ADGRG5: variants seen among roughly 807,000 people sequenced by gnomAD.
The protein encoded by ADGRG5 is G protein-coupled receptor 114.
Under a neutral mutation model 53.2 loss-of-function variants are expected in ADGRG5, and 37 were observed. The ratio of observed to expected loss-of-function variants is 0.70; its 90% CI spans 0.53 to 0.91. ADGRG5 has a LOEUF of 0.91. Among genes scored for constraint, ADGRG5 ranks in the 40% least tolerant of loss-of-function variants. ADGRG5 has a pLI of 0.00. For synonymous variants in ADGRG5, 277 were observed against 290.4 expected, an observed-to-expected ratio of 0.95 and a Z score of 0.47; for missense variants, 614 against 675.8, an observed-to-expected ratio of 0.91 and a Z score of 1.01.
At chr16:57,534,760 C>T in the ADGRG5 span, among the ~76,000 whole-genome samples, 4 of 152,150 alleles carry the variant, frequency 2.6e-5, no homozygotes, top group Admixed American at 6.5e-5. Context: ...AGGAGTCAGT[C>T]GGTGGCCAGG....
intron 1 of ADGRG5, among the ~76,000 whole-genome samples, chr16:57,543,742 G>A (rs554124667): frequency 6.2e-4 from 95 of 152,254 alleles, no homozygotes; most frequent in African/African-American, 2.0e-3. Context: ...GGCTTCGGGG[G>A]TGCATGGTCA....
the ADGRG5 span, among the ~76,000 whole-genome samples, chr16:57,536,882 G>C: frequency 1.3e-5 from 2 of 152,144 alleles, no homozygotes; most frequent in African/African-American, 4.8e-5. Flanking sequence ...TACGTACTAG[G>C]CGCCCCCAGC....
the ADGRG5 span, chr16:57,529,273 C>G: frequency 9.0e-7 from 1 of 1,116,804 alleles, no homozygotes. The surrounding 1 kb of genome is among the most constrained non-coding windows in gnomAD (Gnocchi z 4.1). Flanking sequence ...TGCATGATGA[C>G]GCCGTGCCCC....
chr16:57,536,223 G>A, the ADGRG5 span, among the ~76,000 whole-genome samples: 1 of 142,466 alleles, frequency 7.0e-6, no homozygotes, highest in African/African-American at 2.6e-5. Context: ...CCTCCCGTCC[G>A]GCCCGGGCCG....
chr16:57,566,508 C>T (rs1596791254), intron 6 of ADGRG5, 91 bp from the exon 7 acceptor site: 5 of 1,132,370 alleles, frequency 4.4e-6, no homozygotes, highest in Non-Finnish European at 5.9e-6. Flanking sequence ...GGCAAATGTG[C>T]AGTTGAGTCA....
chr16:57,565,246 A>G (rs1210201044), intron 6 of ADGRG5, 96 bp downstream of exon 6: 2 of 677,934 alleles, frequency 3.0e-6, no homozygotes, highest in Admixed American at 5.0e-5. Context: ...CTGTGGAACC[A>G]TCTTGGAAAT....
At chr16:57,559,643 A>G (rs1390653519) in intron 1 of ADGRG5, among the ~76,000 whole-genome samples, 1 of 152,188 alleles carries the variant, frequency 6.6e-6, no homozygotes, top group Non-Finnish European at 1.5e-5. Context: ...TCTGTCAAAC[A>G]TGAAACAGAT....
upstream of ADGRG5, among the ~76,000 whole-genome samples, chr16:57,540,443 C>T (rs1340296264): frequency 6.6e-6 from 1 of 152,160 alleles, no homozygotes; most frequent in African/African-American, 2.4e-5. Context: ...TATAGGGAGA[C>T]ACTTTACTGA....
At chr16:57,568,194 T>C in intron 9 of ADGRG5, 70 bp downstream of exon 9, 10 of 1,492,628 alleles carry the variant, frequency 6.7e-6, no homozygotes, top group Non-Finnish European at 8.3e-6. Context: ...CTTTAGTCCT[T>C]TCTTTCCCCT....
intron 7 of ADGRG5, among the ~76,000 whole-genome samples, 194 bp downstream of exon 7, chr16:57,566,945 TGATCACTAA>T (rs1463375609): frequency 2.6e-5 from 4 of 152,260 alleles, no homozygotes; most frequent in African/African-American, 7.2e-5. Context: ...ATCCACGGGC[TGATCACTAA>T]GATCACTAAG....
In ADGRG5 at chr16:57,564,748, AAGTG is replaced by A. The variant is rs200329291; in HGVS notation, c.430-279_430-276del. 6.3e-3 allele frequency among the ~76,000 whole-genome samples: 958 copies of A among 152,206 alleles called. 13 individuals carry two copies. The highest frequency in any genetic ancestry group is 0.022 in the African/African-American group (921 of 41,530). Reference sequence around the variant, plus strand: ...AGGTGCCTTTCAACCTTGGCTTTGAAAGTGAGTGAGGATAGTGGTGAGGTGGAGG... The same window carrying A: ...AGGTGCCTTTCAACCTTGGCTTTGAAAGTGAGGATAGTGGTGAGGTGGAGG... On this transcript the variant is annotated intron_variant, in intron 5 of 11. Transcript: ENST00000349457.
In ADGRG5 at chr16:57,562,024, A is replaced by G. The variant is rs111365536; in HGVS notation, c.-38-32A>G. The G allele has an allele frequency of 3.7e-4, 495 of 1,322,658 alleles. 2 individuals are homozygous for G. The African/African-American group carries it at 5.9e-3, about 16-fold the overall frequency. The allele number at this position is 1,322,658 out of a possible 1,614,324, so 81.9% of individuals were successfully genotyped here. ...CCTAGAAGTTAGAGGTTGCTCTTTTATCATCATGGTGATGGCATGCACCTT... is the reference window on the plus strand; with the variant it reads ...CCTAGAAGTTAGAGGTTGCTCTTTTGTCATCATGGTGATGGCATGCACCTT... On this transcript the variant is annotated intron_variant, in intron 1 of 11. Coordinates refer to ENST00000349457, the MANE Select transcript of ADGRG5 (RefSeq NM_001304376.3).
At chr16:57,552,604 G>A (rs1301632409) in intron 1 of ADGRG5, among the ~76,000 whole-genome samples, 3 of 152,150 alleles carry the variant, frequency 2.0e-5, no homozygotes, top group African/African-American at 7.2e-5. Context: ...TTAAGGGAAC[G>A]TTGGCCGGGG....
At chr16:57,531,883 T>C in the ADGRG5 span, among the ~76,000 whole-genome samples, 30 of 151,916 alleles carry the variant, frequency 2.0e-4, no homozygotes, top group Non-Finnish European at 3.7e-4. Context: ...GAGCCAGGCA[T>C]TGGAGGTCTA....
upstream of ADGRG5, among the ~76,000 whole-genome samples, chr16:57,541,594 C>T (rs1056064962): frequency 7.9e-5 from 12 of 152,160 alleles, no homozygotes; most frequent in Non-Finnish European, 1.6e-4. Flanking sequence ...TGGGCTGATG[C>T]GGGAAGGGCC....
the ADGRG5 span, among the ~76,000 whole-genome samples, chr16:57,532,857 G>A: frequency 2.0e-5 from 3 of 152,166 alleles, no homozygotes; most frequent in Admixed American, 6.5e-5. Flanking sequence ...CAGGAAACCC[G>A]AATGCCAGCC....
chr16:57,576,663 C>T lies in ADGRG5; in HGVS notation c.*1125C>T, dbSNP rs1465931455. ...CATGCACCAGCTGGAGGGGCCGTAA[C>T]TGCAGGACTGCGCCTACTGAGTGAC... On this transcript the variant is annotated 3_prime_UTR_variant, in exon 12 of 12. Transcript: ENST00000349457. 6.6e-6 allele frequency: 1 copy of T among 152,250 alleles called. No homozygotes were observed. The highest frequency in any genetic ancestry group is 1.5e-5 in the Non-Finnish European group (1 of 68,050). 9.4% of individuals were successfully genotyped at this position (152,250 alleles called of 1,614,324 possible). A position where few individuals can be genotyped will look rare whatever the true frequency, so the allele number is the denominator to read the frequency against.
intron 1 of ADGRG5, among the ~76,000 whole-genome samples, chr16:57,553,594 G>A (rs2032802788): frequency 6.6e-6 from 1 of 152,166 alleles, no homozygotes; most frequent in Admixed American, 6.5e-5. Context: ...TTTATAGTGA[G>A]CCTTGAAATC....
At chr16:57,532,778 CAT>C in the ADGRG5 span, among the ~76,000 whole-genome samples, 1 of 152,100 alleles carries the variant, frequency 6.6e-6, no homozygotes, top group African/African-American at 2.4e-5. Context: ...CCTAGCTCCA[CAT>C]AGAGAAGCTC....
Sources: gnomAD v4.1 joint callset for allele counts (sites outside exome capture counted in the v4.1 genomes callset) on GRCh38, gnomAD v4.1.1 for gene constraint, Gnocchi (gnomAD v3.1) non-coding constraint, MANE v1.5 for transcripts, NCBI Gene and HGNC (gene_info 2026-07-23, HGNC 2026-07-21) for gene names.